The following SEPTIN3 variants were observed in gnomAD, a reference collection of about 807,000 sequenced individuals.
SEPTIN3 encodes the protein neuronal-specific septin-3.
SEPTIN3 carries 15 observed loss-of-function variants against 45.1 expected under a neutral mutation model. The ratio of observed to expected loss-of-function variants is 0.33; its 90% CI spans 0.22 to 0.51. The LOEUF (loss-of-function observed/expected upper bound fraction) is 0.51. Ranked by LOEUF, SEPTIN3 falls within the 20% of genes least tolerant of loss-of-function variation. The pLI, the probability that SEPTIN3 is intolerant of heterozygous loss-of-function variation, is 0.97. For synonymous variants in SEPTIN3, 148 were observed against 164.8 expected, an observed-to-expected ratio of 0.90 and a Z score of 0.78; for missense variants, 289 against 457.2, an observed-to-expected ratio of 0.63 and a Z score of 3.35.
intron 1 of SEPTIN3, among the ~76,000 whole-genome samples, chr22:41,970,646 T>A (rs2146661219): frequency 1.3e-5 from 2 of 152,248 alleles, no homozygotes; most frequent in South Asian, 4.1e-4. Context: ...CATGTTGGAT[T>A]TTCAGAAAGA....
At chr22:41,996,053 A>T (rs2078430308) in intron 11 of SEPTIN3, 13 of 984,992 alleles carry the variant, frequency 1.3e-5, no homozygotes, top group Non-Finnish European at 1.6e-5. Context: ...TACATACTTG[A>T]CCTCTCTTTT....
At chr22:41,983,128 G>T (rs190540138) in intron 3 of SEPTIN3, among the ~76,000 whole-genome samples, 1 of 152,096 alleles carries the variant, frequency 6.6e-6, no homozygotes, top group Non-Finnish European at 1.5e-5. Context: ...CTGGCTTGCC[G>T]TGGCCACCTG....
At chr22:41,975,885 G>A (rs567811074) in intron 2 of SEPTIN3, among the ~76,000 whole-genome samples, 2 of 152,220 alleles carry the variant, frequency 1.3e-5, no homozygotes, top group East Asian at 3.9e-4. Flanking sequence ...CAGCACTTTC[G>A]GCTTAATATT....
Position 41,996,931 on chromosome 22 carries a change from A to G in SEPTIN3, c.2535A>G (p.Pro845=). 6.2e-7 allele frequency: 1 copy of G among 1,613,966 alleles called. No homozygotes were observed. Among genetic ancestry groups the G allele is most frequent in the Non-Finnish European group, 8.5e-7 (1 of 1,179,906 alleles). Residue 845 remains proline (P), a synonymous_variant, in exon 12 of 12, where the codon CCA becomes CCG. Coordinates refer to ENST00000644076, the MANE Select transcript of SEPTIN3 (RefSeq NM_001363845.2). ...PGEGLLGTVL[P]PVPATPCPTA... ...AAGGCCTCCTGGGCACTGTCCTTCCACCTGTGCCAGCCACCCCCTGCCCCA... is the reference window on the plus strand; with the variant it reads ...AAGGCCTCCTGGGCACTGTCCTTCCGCCTGTGCCAGCCACCCCCTGCCCCA...
Position 41,987,276 on chromosome 22 carries a change from C to CA in SEPTIN3, c.1898dup (p.Asn633LysfsTer2). ...CCCCAGGCTTTGGAGACCAAATCAACAATGAAAACTGGTATCTGTCTGCCT... is the reference window on the plus strand; with the variant it reads ...CCCCAGGCTTTGGAGACCAAATCAACAAATGAAAACTGGTATCTGTCTGCCT... On this transcript the variant is annotated frameshift_variant, in exon 5 of 12. Coordinates refer to ENST00000644076, the MANE Select transcript of SEPTIN3 (RefSeq NM_001363845.2). LOFTEE classifies it high-confidence loss of function. 6.2e-7 allele frequency: 1 copy of CA among 1,612,984 alleles called. No homozygotes were observed. The highest frequency in any genetic ancestry group is 8.5e-7 in the Non-Finnish European group (1 of 1,179,420).
In SEPTIN3 at chr22:41,998,140, GCAAA is replaced by G. The variant is rs997333629; in HGVS notation, c.*1176_*1179del. ...AGTTAAATTTCCCAATTGAAAACAA[GCAAA>G]CAGACACTCAAACTGGTCCTGTAAT... On this transcript the variant is annotated 3_prime_UTR_variant, in exon 12 of 12. Transcript: ENST00000644076. The G allele has an allele frequency of 1.3e-5, 2 of 152,650 alleles. No homozygotes were observed. Among genetic ancestry groups the G allele is most frequent in the African/African-American group, 4.8e-5 (2 of 41,452 alleles). The allele number at this position is 152,650 out of a possible 1,614,324, so 9.5% of individuals were successfully genotyped here. A position where few individuals can be genotyped will look rare whatever the true frequency, so the allele number is the denominator to read the frequency against.
At chr22:41,983,936 G>C (rs1218006052) in intron 3 of SEPTIN3, among the ~76,000 whole-genome samples, 1 of 152,112 alleles carries the variant, frequency 6.6e-6, no homozygotes, top group African/African-American at 2.4e-5. Flanking sequence ...ACAACACTTG[G>C]CACCTAAGAA....
Position 41,994,516 on chromosome 22 carries a change from A to G in SEPTIN3, c.2412-105A>G, listed in dbSNP as rs1680294105. On this transcript the variant is annotated intron_variant, in intron 10 of 11. Coordinates refer to ENST00000644076, the MANE Select transcript of SEPTIN3 (RefSeq NM_001363845.2). The surrounding 1 kb of genome is among the most constrained non-coding windows in gnomAD (Gnocchi z 4.2). ...TGTAGAAGAATCCTTAGCTCCTGGG[A>G]GTGGTTCCCATTCACTGGGTCCAGT... The G allele has an allele frequency of 1.9e-6, 3 of 1,567,608 alleles. No individual in the cohort carries two copies. The Admixed American group carries it at 5.2e-5, about 27-fold the overall frequency.
At chr22:41,992,627 T>A (rs1347224555) in intron 8 of SEPTIN3, 37 bp from the exon 9 acceptor site, 3 of 1,401,718 alleles carry the variant, frequency 2.1e-6, no homozygotes, top group South Asian at 2.6e-5. Flanking sequence ...AGGATGACGG[T>A]GCACATGTGT....
chr22:41,981,860 G>T, intron 3 of SEPTIN3, 24 bp downstream of exon 3: 1 of 1,605,456 alleles, frequency 6.2e-7, no homozygotes, highest in Non-Finnish European at 8.5e-7. Context: ...TGGGGCTGCT[G>T]CAGGCCTGGT....
intron 2 of SEPTIN3, among the ~76,000 whole-genome samples, chr22:41,980,057 G>A (rs900818860): frequency 4.8e-5 from 7 of 147,140 alleles, no homozygotes; most frequent in African/African-American, 1.8e-4. Context: ...CACATGTACT[G>A]TTTCATTTCC....
At chr22:41,993,471 C>T (rs1010340888) in intron 9 of SEPTIN3, among the ~76,000 whole-genome samples, 5 of 151,864 alleles carry the variant, frequency 3.3e-5, no homozygotes, top group African/African-American at 9.7e-5. Flanking sequence ...ACTACAGGTG[C>T]GGACCCCGAT....
intron 1 of SEPTIN3, among the ~76,000 whole-genome samples, 157 bp downstream of exon 1, chr22:41,969,834 G>A (rs1304228370): frequency 1.3e-5 from 2 of 152,028 alleles, no homozygotes; most frequent in Non-Finnish European, 2.9e-5. Context: ...CCTCTGGCCT[G>A]CTCTGTGTGT....
At chr22:41,992,610 T>G in intron 8 of SEPTIN3, 54 bp from the exon 9 acceptor site, 2 of 1,191,074 alleles carry the variant, frequency 1.7e-6, no homozygotes, top group Non-Finnish European at 1.2e-6. Flanking sequence ...AAAGTCCAGG[T>G]TGTTGGAGGA....
Position 41,994,302 on chromosome 22 carries a change from A to G in SEPTIN3, c.2372A>G (p.Asn791Ser). 6.2e-7 allele frequency: 1 copy of G among 1,614,040 alleles called. No homozygotes were observed. Among genetic ancestry groups the G allele is most frequent in the Non-Finnish European group, 8.5e-7 (1 of 1,180,018 alleles). ...GTTTTGTTCATAGTGGAAAACCTCA[A>G]CCACTGTGAGTTTGCCCTGCTTCGA... ...PWGIIEVENL[N>S]HCEFALLRDF... is the part of the protein sequence containing the mutation. Residue 791 changes from asparagine to serine, a missense_variant, in exon 10 of 12, where the codon AAC becomes AGC. Transcript: ENST00000644076. The surrounding 1 kb of genome is among the most constrained non-coding windows in gnomAD (Gnocchi z 4.2).
intron 3 of SEPTIN3, 145 bp downstream of exon 3, chr22:41,981,981 C>A: frequency 1.3e-6 from 1 of 757,208 alleles, no homozygotes; most frequent in South Asian, 1.8e-5. Flanking sequence ...ATCACAAAGG[C>A]CTGACCCCTG....
intron 6 of SEPTIN3, among the ~76,000 whole-genome samples, chr22:41,989,118 C>A (rs1319429356): frequency 1.6e-5 from 2 of 126,990 alleles, no homozygotes; most frequent in African/African-American, 5.6e-5. Context: ...CAAAGTGAGA[C>A]CCTGTCTCAA....
intron 2 of SEPTIN3, among the ~76,000 whole-genome samples, chr22:41,974,879 A>G (rs2146669600): frequency 6.7e-6 from 1 of 150,028 alleles, no homozygotes; most frequent in Admixed American, 6.6e-5. Context: ...AAAAAAAAAA[A>G]AAAAAAAAAG....
intron 11 of SEPTIN3, chr22:41,995,477 T>G: frequency 1.0e-6 from 1 of 985,588 alleles, no homozygotes; most frequent in Non-Finnish European, 1.2e-6. Flanking sequence ...ACTGCCTGTC[T>G]CTGCTTCCGA....
Sources: allele counts gnomAD v4.1 joint callset (sites outside exome capture counted in the v4.1 genomes callset), GRCh38; gene constraint gnomAD v4.1.1; non-coding constraint Gnocchi (gnomAD v3.1); transcripts MANE v1.5; gene names NCBI Gene and HGNC (gene_info 2026-07-23, HGNC 2026-07-21).